Variants in NEK1 observed in about 807,000 individuals in gnomAD.
NEK1 encodes the protein serine/threonine-protein kinase Nek1.
NEK1 carries 137 observed loss-of-function variants against 182.1 expected under a neutral mutation model. That is an observed-to-expected ratio of 0.75 (90% CI 0.65 to 0.87). The LOEUF is 0.87. Ranked by LOEUF, NEK1 falls within the 40% of genes least tolerant of loss-of-function variation. The pLI, the probability that NEK1 is intolerant of heterozygous loss-of-function variation, is 0.00. For missense variants in NEK1, 1,391 were observed against 1,494.4 expected (o/e 0.93, Z 1.14); for synonymous variants, 513 against 492.2 (o/e 1.04, Z -0.56).
chr4:169,465,258 G>A (rs1025693380), intron 26 of NEK1, among the ~76,000 whole-genome samples: 5 of 151,962 alleles, frequency 3.3e-5, no homozygotes, highest in Non-Finnish European at 4.4e-5. Flanking sequence ...ATTCAAAAGG[G>A]GAAAAAGTTC....
chr4:169,601,356 T>C (rs1581085170), intron 4 of NEK1, among the ~76,000 whole-genome samples: 3 of 152,302 alleles, frequency 2.0e-5, no homozygotes, highest in Admixed American at 2.0e-4. Flanking sequence ...AATGAGAATA[T>C]TTGGGTAGGA....
chr4:169,504,273 C>G lies in NEK1; in HGVS notation c.2007+2764G>C, dbSNP rs1479471864. ...AAGGGAACCCTCTTACACTCGTACA[C>G]TGTTGGTAGGAATGTAAACTAGTAC... On this transcript the variant is annotated intron_variant, in intron 23 of 35. Transcript: ENST00000507142. Among the ~76,000 whole-genome samples, 6 of 152,230 alleles carry G rather than the reference C, an allele frequency of 3.9e-5. No homozygotes were observed. In the South Asian group the frequency reaches 1.2e-3, roughly 32 times the overall value.
At chr4:169,490,458 A>G (rs1055316779) in intron 23 of NEK1, among the ~76,000 whole-genome samples, 2 of 152,192 alleles carry the variant, frequency 1.3e-5, no homozygotes, top group Non-Finnish European at 2.9e-5. Context: ...TCAAAGGAAT[A>G]ATTCTCCAGA....
At chr4:169,495,763 C>T (rs566619875) in intron 23 of NEK1, among the ~76,000 whole-genome samples, 69 of 152,234 alleles carry the variant, frequency 4.5e-4, no homozygotes, top group African/African-American at 1.5e-3. Context: ...TTGGTCTATA[C>T]CTCTGCTTTG....
chr4:169,486,607 G>A (rs1206605835), intron 23 of NEK1, among the ~76,000 whole-genome samples: 1 of 152,118 alleles, frequency 6.6e-6, no homozygotes, highest in Non-Finnish European at 1.5e-5. Context: ...CATATTTAAT[G>A]TCTCAAAACC....
At chr4:169,453,264 TTCCCATCAAGC>T (rs1742188320) in intron 27 of NEK1, among the ~76,000 whole-genome samples, 1 of 152,306 alleles carries the variant, frequency 6.6e-6, no homozygotes, top group Admixed American at 6.5e-5. Context: ...TTCAATGCCA[TTCCCATCAAGC>T]TACCAATGAC....
Position 169,393,979 on chromosome 4 carries a change from T to C in NEK1, c.*531A>G, listed in dbSNP as rs187088611. The C allele has an allele frequency of 6.6e-6, 1 of 152,428 alleles. No individual in the cohort carries two copies. Among genetic ancestry groups the C allele is most frequent in the African/African-American group, 2.4e-5 (1 of 41,580 alleles). The allele number at this position is 152,428 out of a possible 1,614,324, so 9.4% of individuals were successfully genotyped here. A position where few individuals can be genotyped will look rare whatever the true frequency, so the allele number is the denominator to read the frequency against. On this transcript the variant is annotated 3_prime_UTR_variant, in exon 36 of 36. Transcript: ENST00000507142. Reference sequence around the variant, plus strand: ...CTGATTGTAAAAGGACTTGAGAATATAAACTTTAAGGCTAAAAATTTCATC... The same window carrying C: ...CTGATTGTAAAAGGACTTGAGAATACAAACTTTAAGGCTAAAAATTTCATC...
intron 18 of NEK1, among the ~76,000 whole-genome samples, chr4:169,539,973 G>A (rs909388031): frequency 3.3e-5 from 5 of 152,024 alleles, no homozygotes; most frequent in Admixed American, 2.0e-4. Context: ...CTAAGAACCT[G>A]GTCATCTGTA....
intron 26 of NEK1, among the ~76,000 whole-genome samples, chr4:169,466,549 C>T (rs1416075131): frequency 6.6e-6 from 1 of 151,908 alleles, no homozygotes; most frequent in Non-Finnish European, 1.5e-5. Context: ...ATTTAGAATT[C>T]TATGTCTCAG....
At chr4:169,541,080 A>G (rs1268141648) in intron 18 of NEK1, among the ~76,000 whole-genome samples, 1 of 152,130 alleles carries the variant, frequency 6.6e-6, no homozygotes, top group African/African-American at 2.4e-5. Context: ...GTAGCACTCT[A>G]GGTAATGGAG....
intron 2 of NEK1, among the ~76,000 whole-genome samples, chr4:169,604,705 T>G (rs1357899698): frequency 6.6e-6 from 1 of 152,206 alleles, no homozygotes; most frequent in East Asian, 1.9e-4. Context: ...AAACATCATA[T>G]GCTGTGCCTA....
chr4:169,443,040 G>A (rs1739786239), intron 27 of NEK1, among the ~76,000 whole-genome samples: 1 of 134,618 alleles, frequency 7.4e-6, no homozygotes, highest in East Asian at 2.2e-4. Context: ...CTCTAACCAA[G>A]TAAAAATATT....
intron 23 of NEK1, among the ~76,000 whole-genome samples, chr4:169,489,564 C>T (rs1749682961): frequency 6.6e-6 from 1 of 152,084 alleles, no homozygotes; most frequent in Admixed American, 6.5e-5. Context: ...CAGCTGTGCC[C>T]CACCATTCAT....
intron 18 of NEK1, among the ~76,000 whole-genome samples, chr4:169,543,992 T>C (rs190668721): frequency 1.2e-3 from 187 of 152,340 alleles, no homozygotes; most frequent in African/African-American, 2.9e-3. Context: ...TCTTGCCTGA[T>C]TGCCCTGGCC....
intron 16 of NEK1, among the ~76,000 whole-genome samples, chr4:169,560,736 A>G (rs1287461521): frequency 6.6e-6 from 1 of 152,150 alleles, no homozygotes; most frequent in Non-Finnish European, 1.5e-5. Context: ...GGAAATTACT[A>G]TAGAAGCCCT....
chr4:169,480,725 T>A (rs138805607), intron 23 of NEK1, among the ~76,000 whole-genome samples: 93 of 152,222 alleles, frequency 6.1e-4, no homozygotes, highest in African/African-American at 2.2e-3. Context: ...TTCTTTTGAT[T>A]TTGTAAAAAT....
At chr4:169,522,840 G>T (rs1272606036) in intron 19 of NEK1, among the ~76,000 whole-genome samples, 1 of 152,176 alleles carries the variant, frequency 6.6e-6, no homozygotes, top group Non-Finnish European at 1.5e-5. Flanking sequence ...CCCTTTTCCA[G>T]TCCTTTGGTG....
At chr4:169,422,190 T>A (rs1735596804) in intron 31 of NEK1, among the ~76,000 whole-genome samples, 1 of 152,138 alleles carries the variant, frequency 6.6e-6, no homozygotes, top group African/African-American at 2.4e-5. Flanking sequence ...ACGAGCAGGC[T>A]AAAAGCCATG....
In NEK1 at chr4:169,471,519, G is replaced by A. The variant is rs1038362704; in HGVS notation, c.2434+5605C>T. On this transcript the variant is annotated intron_variant, in intron 26 of 35. Transcript: ENST00000507142. The stretch of plus-strand genomic sequence containing the variant: ...GAAGCTTCGTCGCAGAGAGGCACCC[G>A]CCAGATGCCAGCTGAAGTTCTCCTG... 5.9e-5 allele frequency among the ~76,000 whole-genome samples: 9 copies of A among 152,180 alleles called. No homozygotes were observed. The South Asian group carries it at 8.3e-4, about 14-fold the overall frequency.
Sources: gnomAD v4.1 joint callset for allele counts (sites outside exome capture counted in the v4.1 genomes callset) on GRCh38, gnomAD v4.1.1 for gene constraint, MANE v1.5 for transcripts, NCBI Gene and HGNC (gene_info 2026-07-23, HGNC 2026-07-21) for gene names.